The following TENM4 variants were observed in gnomAD, a reference collection of about 807,000 sequenced individuals.
TENM4 encodes teneurin transmembrane protein 4, also known as teneurin-4.
TENM4 carries 82 observed loss-of-function variants against 243.3 expected under a neutral mutation model. The observed-to-expected ratio is 0.34, with a 90% confidence interval of 0.28 to 0.40. TENM4 has a LOEUF of 0.40. Ranked by LOEUF, TENM4 falls within the 10% of genes least tolerant of loss-of-function variation. TENM4 has a pLI of 1.00. For missense variants in TENM4, 3,138 were observed against 3,673.3 expected (o/e 0.85, Z 3.77); for synonymous variants, 1,412 against 1,456.3 (o/e 0.97, Z 0.69).
chr11:78,918,112 G>A (rs1311466281), intron 6 of TENM4, among the ~76,000 whole-genome samples: 4 of 152,232 alleles, frequency 2.6e-5, no homozygotes, highest in East Asian at 3.9e-4. Context: ...TGCTCTTAAC[G>A]GCGACAGTAT....
intron 3 of TENM4, among the ~76,000 whole-genome samples, chr11:79,199,459 T>A (rs1054201547): frequency 1.5e-4 from 23 of 152,210 alleles, no homozygotes; most frequent in African/African-American, 4.3e-4. Context: ...GTGGAATACT[T>A]CCATTACCTG....
At chr11:79,415,681 G>A (rs1476671452) in intron 1 of TENM4, among the ~76,000 whole-genome samples, 1 of 152,188 alleles carries the variant, frequency 6.6e-6, no homozygotes, top group Non-Finnish European at 1.5e-5. Context: ...ACTCCAGCAT[G>A]AGGATGTGAT....
chr11:79,063,332 G>A (rs7102133), intron 6 of TENM4, among the ~76,000 whole-genome samples: 89,636 of 152,026 alleles, frequency 0.59, 26,793 homozygotes, highest in African/African-American at 0.63. Context: ...GGGGAATCCC[G>A]GGCAGGAATC....
chr11:79,233,426 G>A (rs1324572434), intron 2 of TENM4, among the ~76,000 whole-genome samples: 1 of 152,204 alleles, frequency 6.6e-6, no homozygotes, highest in African/African-American at 2.4e-5. Context: ...TGCTGCAAAG[G>A]TCTAGATTGT....
chr11:79,041,975 G>A (rs1461473305), intron 6 of TENM4, among the ~76,000 whole-genome samples: 1 of 152,202 alleles, frequency 6.6e-6, no homozygotes, highest in Admixed American at 6.5e-5. Flanking sequence ...TAGCCGGAGG[G>A]TCTGGGCCTT....
At chr11:79,211,104 C>T (rs1863946351) in intron 3 of TENM4, among the ~76,000 whole-genome samples, 1 of 152,108 alleles carries the variant, frequency 6.6e-6, no homozygotes. Context: ...TGCAGTTCAG[C>T]CTTGGGTTTG....
chr11:79,179,811 T>A (rs968995605), intron 3 of TENM4, among the ~76,000 whole-genome samples: 9 of 151,842 alleles, frequency 5.9e-5, no homozygotes, highest in African/African-American at 2.2e-4. Flanking sequence ...TTACTGAATA[T>A]CTAGCCTGTT....
chr11:78,745,255 C>T (rs1440946704), intron 19 of TENM4, among the ~76,000 whole-genome samples: 1 of 123,972 alleles, frequency 8.1e-6, no homozygotes, highest in Non-Finnish European at 1.6e-5. Context: ...GAGACAAAGT[C>T]TGACTCTGTT....
chr11:78,987,290 G>A (rs1010894823), intron 6 of TENM4, among the ~76,000 whole-genome samples: 1 of 151,674 alleles, frequency 6.6e-6, no homozygotes, highest in African/African-American at 2.4e-5. Flanking sequence ...TTCATACAAT[G>A]AGAAGCTTCA....
At chr11:78,847,727 G>C (rs1300431693) in intron 12 of TENM4, among the ~76,000 whole-genome samples, 1 of 152,128 alleles carries the variant, frequency 6.6e-6, no homozygotes, top group East Asian at 1.9e-4. Flanking sequence ...CTTCATTGCT[G>C]TATTTATATC....
intron 1 of TENM4, among the ~76,000 whole-genome samples, chr11:79,389,103 C>A (rs1858176126): frequency 6.6e-6 from 1 of 152,156 alleles, no homozygotes; most frequent in South Asian, 2.1e-4. Flanking sequence ...AAGCATCTTT[C>A]AAATCATACT....
At chr11:78,944,344 A>G (rs1417186001) in intron 6 of TENM4, among the ~76,000 whole-genome samples, 1 of 152,222 alleles carries the variant, frequency 6.6e-6, no homozygotes, top group Non-Finnish European at 1.5e-5. Flanking sequence ...GAAAAAGGCA[A>G]TGATGAAGAT....
intron 2 of TENM4, among the ~76,000 whole-genome samples, chr11:79,292,297 T>C (rs570480437): frequency 3.3e-4 from 50 of 152,228 alleles, no homozygotes; most frequent in Middle Eastern, 3.4e-3. Flanking sequence ...CATGCTGTAG[T>C]GGACTTGCCA....
chr11:79,022,021 A>G (rs188151845), intron 6 of TENM4, among the ~76,000 whole-genome samples: 4 of 152,234 alleles, frequency 2.6e-5, no homozygotes, highest in East Asian at 3.9e-4. Context: ...CTCTAGAGAA[A>G]CCAAGGGACA....
intron 1 of TENM4, among the ~76,000 whole-genome samples, chr11:79,319,629 T>C (rs1856855868): frequency 2.0e-5 from 3 of 152,100 alleles, no homozygotes; most frequent in South Asian, 4.1e-4. Flanking sequence ...AAGCCTTGAG[T>C]ATCGATGCTA....
intron 6 of TENM4, among the ~76,000 whole-genome samples, chr11:78,937,717 C>T (rs623465): frequency 0.91 from 137,819 of 152,222 alleles, 62,942 homozygotes; most frequent in Non-Finnish European, 0.97. Flanking sequence ...ATCTGGCCTT[C>T]TAAGAAATCA....
intron 2 of TENM4, among the ~76,000 whole-genome samples, chr11:79,228,506 A>C (rs1864315895): frequency 6.6e-6 from 1 of 151,956 alleles, no homozygotes; most frequent in Non-Finnish European, 1.5e-5. Context: ...CTTGCTTGCC[A>C]CCTCGCCATC....
chr11:79,383,110 A>G (rs572460), intron 1 of TENM4, among the ~76,000 whole-genome samples: 81,724 of 151,922 alleles, frequency 0.54, 21,965 homozygotes, highest in Non-Finnish European at 0.55. Flanking sequence ...CTGGTCAAGT[A>G]GGTGTACCCT....
chr11:79,183,192 G>A (rs1938823), intron 3 of TENM4, among the ~76,000 whole-genome samples: 51,271 of 152,036 alleles, frequency 0.34, 8,863 homozygotes, highest in East Asian at 0.42. Flanking sequence ...TAAATAAACT[G>A]TGGTACATCC....
Sources: allele counts gnomAD v4.1 joint callset (sites outside exome capture counted in the v4.1 genomes callset), GRCh38; gene constraint gnomAD v4.1.1; transcripts MANE v1.5; gene names NCBI Gene and HGNC (gene_info 2026-07-23, HGNC 2026-07-21).